PTN: variants seen among roughly 807,000 people sequenced by gnomAD.
PTN encodes pleiotrophin.
In PTN, 18 loss-of-function variants were observed where a neutral mutation model predicts 24.1. The observed-to-expected ratio is 0.75, with a 90% CI of 0.52 to 1.11. PTN has a LOEUF of 1.11. PTN is among the 50% of genes least tolerant of loss of function. The pLI, the probability that PTN is intolerant of heterozygous loss-of-function variation, is 0.00. For missense variants in PTN, 163 were observed against 198.8 expected, an observed-to-expected ratio of 0.82 and a Z score of 1.08; for synonymous variants, 78 against 68.6, an observed-to-expected ratio of 1.14 and a Z score of -0.67.
intron 1 of PTN, among the ~76,000 whole-genome samples, chr7:137,291,817 C>A (rs1809642808): frequency 6.6e-6 from 1 of 152,168 alleles, no homozygotes; most frequent in African/African-American, 2.4e-5. Flanking sequence ...AATTGAGTGT[C>A]CCATCTGAAT....
At chr7:137,243,852 G>T (rs539125388) in intron 4 of PTN, among the ~76,000 whole-genome samples, 1 of 152,238 alleles carries the variant, frequency 6.6e-6, no homozygotes, top group African/African-American at 2.4e-5. Context: ...CAGCAGAAAG[G>T]TTTCTGCTAG....
intron 1 of PTN, among the ~76,000 whole-genome samples, chr7:137,317,223 C>T (rs1199854288): frequency 1.3e-5 from 2 of 152,220 alleles, no homozygotes; most frequent in African/African-American, 2.4e-5. Flanking sequence ...GCTTCCTCTG[C>T]TCCTGGGAGT....
chr7:137,325,706 A>G (rs2128881985), intron 1 of PTN: 1 of 152,364 alleles, frequency 6.6e-6, no homozygotes. Context: ...CTGGCTGCAG[A>G]AATAATGACT....
In PTN at chr7:137,269,189, A is replaced by T. The variant is rs191646903; in HGVS notation, c.-1-14215T>A. The stretch of plus-strand genomic sequence containing the variant: ...TCTGTTCTTTCATATAATGGTGGAA[A>T]CATGGTATCTAACTTTCTGAGATTT... On this transcript the variant is annotated intron_variant, in intron 1 of 4. Coordinates refer to ENST00000348225, the MANE Select transcript of PTN (RefSeq NM_002825.7). Among the ~76,000 whole-genome samples, 799 of 152,296 alleles carry T rather than the reference A, an allele frequency of 5.2e-3. 9 individuals are homozygous for T. The highest frequency in any genetic ancestry group is 0.031 in the South Asian group (150 of 4,828).
intron 1 of PTN, among the ~76,000 whole-genome samples, chr7:137,282,042 T>C (rs1247625427): frequency 2.6e-5 from 4 of 152,214 alleles, no homozygotes; most frequent in East Asian, 1.9e-4. Flanking sequence ...AATTAAACAG[T>C]AAGGTCAAAA....
chr7:137,269,211 ATT>A (rs968356872), intron 1 of PTN, among the ~76,000 whole-genome samples: 2 of 151,996 alleles, frequency 1.3e-5, no homozygotes, highest in Non-Finnish European at 2.9e-5. Flanking sequence ...ACTTTCTGAG[ATT>A]TTCACGTTCT....
At chr7:137,265,004 G>A (rs1361548056) in intron 1 of PTN, among the ~76,000 whole-genome samples, 1 of 146,840 alleles carries the variant, frequency 6.8e-6, no homozygotes, top group Non-Finnish European at 1.5e-5. Context: ...CACATAGAGT[G>A]TAAAAAGTTT....
At chr7:137,329,538 T>C (rs990604361) in intron 1 of PTN, among the ~76,000 whole-genome samples, 1 of 152,116 alleles carries the variant, frequency 6.6e-6, no homozygotes, top group African/African-American at 2.4e-5. Context: ...TGAGCACTGA[T>C]GAGGGAACCA....
intron 1 of PTN, among the ~76,000 whole-genome samples, chr7:137,317,705 T>C (rs1008268002): frequency 6.6e-6 from 1 of 152,190 alleles, no homozygotes; most frequent in Non-Finnish European, 1.5e-5. Context: ...TAATTATATG[T>C]GGGGCATTCA....
intron 1 of PTN, among the ~76,000 whole-genome samples, chr7:137,288,804 TA>T (rs1296296729): frequency 6.6e-6 from 1 of 152,094 alleles, no homozygotes; most frequent in Non-Finnish European, 1.5e-5. Context: ...ATGATATTAT[TA>T]GGGGAAAAGA....
chr7:137,277,376 T>A (rs1274465655), intron 1 of PTN, among the ~76,000 whole-genome samples: 3 of 152,178 alleles, frequency 2.0e-5, no homozygotes, highest in Non-Finnish European at 4.4e-5. Flanking sequence ...TTAAGAATAT[T>A]AAAATACACT....
chr7:137,235,757 G>A (rs1808509003), intron 4 of PTN, among the ~76,000 whole-genome samples: 1 of 151,940 alleles, frequency 6.6e-6, no homozygotes, highest in East Asian at 1.9e-4. Context: ...TTCCCTCACT[G>A]TCCACCTTCC....
intron 4 of PTN, among the ~76,000 whole-genome samples, chr7:137,244,551 C>G (rs1808691038): frequency 6.6e-6 from 1 of 151,368 alleles, no homozygotes; most frequent in African/African-American, 2.4e-5. Context: ...CCACAACAAG[C>G]CCCGGTGTGT....
At chr7:137,324,733 C>T (rs901762049) in intron 1 of PTN, 2 of 152,056 alleles carry the variant, frequency 1.3e-5, no homozygotes, top group African/African-American at 4.8e-5. Flanking sequence ...GTCACACTCC[C>T]TTTTTGAAGA....
At chr7:137,289,653 G>T (rs565500412) in intron 1 of PTN, among the ~76,000 whole-genome samples, 1 of 152,154 alleles carries the variant, frequency 6.6e-6, no homozygotes, top group African/African-American at 2.4e-5. Context: ...GAGGGATCAC[G>T]TGGCAAGGAT....
intron 4 of PTN, among the ~76,000 whole-genome samples, chr7:137,243,787 C>T (rs1230025809): frequency 2.0e-5 from 3 of 152,086 alleles, no homozygotes; most frequent in Non-Finnish European, 2.9e-5. Flanking sequence ...TCACCTGTGG[C>T]GGACCTTCCA....
chr7:137,285,763 A>G (rs2128876614), intron 1 of PTN, among the ~76,000 whole-genome samples: 1 of 152,380 alleles, frequency 6.6e-6, no homozygotes, highest in South Asian at 2.1e-4. Flanking sequence ...GTGTAAATCC[A>G]GCAACTTCAT....
chr7:137,267,923 G>C (rs1453778100), intron 1 of PTN, among the ~76,000 whole-genome samples: 5 of 151,332 alleles, frequency 3.3e-5, no homozygotes, highest in African/African-American at 1.2e-4. Context: ...GCTTCCACTT[G>C]AATGGAGTAG....
intron 4 of PTN, among the ~76,000 whole-genome samples, chr7:137,235,586 T>C (rs1380959814): frequency 2.2e-4 from 34 of 152,196 alleles, no homozygotes; most frequent in Admixed American, 2.2e-3. Context: ...ATTTTGTTGT[T>C]TCTTCTTTGA....
Sources: gnomAD v4.1 joint callset for allele counts (sites outside exome capture counted in the v4.1 genomes callset) on GRCh38, gnomAD v4.1.1 for gene constraint, MANE v1.5 for transcripts, NCBI Gene and HGNC (gene_info 2026-07-23, HGNC 2026-07-21) for gene names.